The following KLHDC2 variants were observed in gnomAD, a reference collection of about 807,000 sequenced individuals.
KLHDC2 encodes kelch domain containing 2.
A neutral mutation model predicts 62.3 loss-of-function variants in KLHDC2; 38 were observed. The observed-to-expected ratio is 0.61, with a 90% CI of 0.47 to 0.80. KLHDC2 has a LOEUF of 0.80. KLHDC2 is among the 30% of genes least tolerant of loss of function. The probability of loss-of-function intolerance (pLI) is 0.00; values close to 1 mark genes in which losing one functional copy is unlikely to be tolerated. For missense variants in KLHDC2, 430 were observed against 495.3 expected, an observed-to-expected ratio of 0.87 and a Z score of 1.25; for synonymous variants, 159 against 161.0, an observed-to-expected ratio of 0.99 and a Z score of 0.09.
At chr14:49,773,906 T>C (rs1889717727) in intron 2 of KLHDC2, among the ~76,000 whole-genome samples, 1 of 152,202 alleles carries the variant, frequency 6.6e-6, no homozygotes, top group Non-Finnish European at 1.5e-5. Flanking sequence ...AAATGAGCCT[T>C]CTAAAACTTT....
At position 49,778,184 on chromosome 14, in the gene KLHDC2, A is replaced by AT; in HGVS notation, c.480dup (p.Gly161TrpfsTer8). 2 of 1,598,404 alleles carry AT rather than the reference A, an allele frequency of 1.3e-6. No homozygotes were observed. The highest frequency in any genetic ancestry group is 1.7e-6 in the Non-Finnish European group (2 of 1,171,190). ...TTGGTTTTTCATCCAACAGGTTAAT[A>AT]TTTTTTGGAGGGTATGGATATTTGC... On this transcript the variant is annotated frameshift_variant, in exon 5 of 13. Transcript: ENST00000298307. LOFTEE classifies it high-confidence loss of function.
At chr14:49,769,320 A>G (rs554475403) in intron 1 of KLHDC2, among the ~76,000 whole-genome samples, 1 of 152,314 alleles carries the variant, frequency 6.6e-6, no homozygotes, top group South Asian at 2.1e-4. Context: ...AGCAGTTTAA[A>G]GCCAGTTGCC....
intron 9 of KLHDC2, 108 bp from the exon 10 acceptor site, chr14:49,780,595 C>T (rs1204968492): frequency 2.5e-6 from 2 of 808,134 alleles, no homozygotes; most frequent in East Asian, 2.4e-5. Flanking sequence ...AGAAAATATA[C>T]TCTCTGTATC....
At chr14:49,769,799 C>T (rs1321434111) in intron 1 of KLHDC2, among the ~76,000 whole-genome samples, 2 of 151,558 alleles carry the variant, frequency 1.3e-5, no homozygotes, top group African/African-American at 4.9e-5. Context: ...AAAAATTAGC[C>T]TGGCGTGGTG....
Position 49,784,689 on chromosome 14 carries a change from G to A in KLHDC2, c.*1736G>A. The A allele has an allele frequency of 1.2e-6, 2 of 1,612,670 alleles. No individual in the cohort carries two copies. Among genetic ancestry groups the A allele is most frequent in the Non-Finnish European group, 1.7e-6 (2 of 1,179,038 alleles). ...GGTGCAGACACTTTCACTTTGCCAG[G>A]AATGTTTCTTGATAAATCTGTGTCC... On this transcript the variant is annotated 3_prime_UTR_variant, in exon 13 of 13. Transcript: ENST00000298307.
intron 2 of KLHDC2, among the ~76,000 whole-genome samples, chr14:49,773,909 A>G (rs1450324050): frequency 1.3e-5 from 2 of 152,174 alleles, no homozygotes; most frequent in Non-Finnish European, 2.9e-5. Context: ...TGAGCCTTCT[A>G]AAACTTTTAA....
At chr14:49,777,515 G>C (rs1444236046) in intron 3 of KLHDC2, among the ~76,000 whole-genome samples, 1 of 151,798 alleles carries the variant, frequency 6.6e-6, no homozygotes, top group African/African-American at 2.4e-5. Context: ...GATGACTTAA[G>C]CCCAGGAGTT....
intron 10 of KLHDC2, among the ~76,000 whole-genome samples, chr14:49,781,061 C>A (rs1889888196): frequency 6.6e-6 from 1 of 152,190 alleles, no homozygotes; most frequent in Non-Finnish European, 1.5e-5. Context: ...ATGAGTTGAA[C>A]TGCATCTAAG....
At chr14:49,780,351 A>T in intron 9 of KLHDC2, 29 bp downstream of exon 9, 2 of 1,277,722 alleles carry the variant, frequency 1.6e-6, no homozygotes, top group Non-Finnish European at 2.3e-6. Context: ...TGATAATGAA[A>T]TCATCATATA....
Position 49,783,055 on chromosome 14 carries a change from C to A in KLHDC2, c.*102C>A, listed in dbSNP as rs1296959947. 2 of 1,283,100 alleles carry A rather than the reference C, an allele frequency of 1.6e-6. No individual in the cohort carries two copies. The highest frequency in any genetic ancestry group is 1.5e-5 in the African/African-American group (1 of 66,492). The allele number at this position is 1,283,100 out of a possible 1,614,324, so 79.5% of individuals were successfully genotyped here. ...TAATTATATGCATTGTTGTAGTTTG[C>A]ACCTGTTGGTTTTAATGTGCATGTG... On this transcript the variant is annotated 3_prime_UTR_variant, in exon 13 of 13. Coordinates refer to ENST00000298307, the MANE Select transcript of KLHDC2 (RefSeq NM_014315.3).
Position 49,785,435 on chromosome 14 carries a change from C to A in KLHDC2, c.*2482C>A, listed in dbSNP as rs892071999. ...TTTTATCTTTTCCTGATATACATACCATCTAAGCTGGAACAGTGGTACTTA... is the reference window on the plus strand; with the variant it reads ...TTTTATCTTTTCCTGATATACATACAATCTAAGCTGGAACAGTGGTACTTA... On this transcript the variant is annotated 3_prime_UTR_variant, in exon 13 of 13. Transcript: ENST00000298307. The A allele has an allele frequency of 2.7e-5, 19 of 705,604 alleles. No individual in the cohort carries two copies. The highest frequency in any genetic ancestry group is 6.1e-4 in the Middle Eastern group (2 of 3,260). 43.7% of individuals were successfully genotyped at this position (705,604 alleles called of 1,614,324 possible).
At chr14:49,770,828 A>T (rs960003583) in intron 1 of KLHDC2, among the ~76,000 whole-genome samples, 8 of 152,244 alleles carry the variant, frequency 5.3e-5, no homozygotes, top group African/African-American at 1.2e-4. Flanking sequence ...AAAATTCTGC[A>T]TAAGGATTTA....
chr14:49,778,029 A>G (rs1889809296), intron 4 of KLHDC2, 75 bp downstream of exon 4: 2 of 1,006,376 alleles, frequency 2.0e-6, no homozygotes, highest in Admixed American at 4.1e-5. Context: ...TAGCCAGTAA[A>G]CATTTGCACA....
At position 49,768,438 on chromosome 14, in the gene KLHDC2, C is replaced by T. The variant is rs1237017532; in HGVS notation, c.-31C>T. The T allele has an allele frequency of 1.2e-6, 2 of 1,602,844 alleles. No homozygotes were observed. Among genetic ancestry groups the T allele is most frequent in the Middle Eastern group, 1.7e-4 (1 of 6,024 alleles). On this transcript the variant is annotated 5_prime_UTR_variant, in exon 1 of 13. Coordinates refer to ENST00000298307, the MANE Select transcript of KLHDC2 (RefSeq NM_014315.3). ...TTTTTTGGCCCCTCGCGGGTGTGGG[C>T]ATTGTTGGTTAGCAAAAGTGCAGCC...
intron 9 of KLHDC2, 32 bp downstream of exon 9, chr14:49,780,354 A>G (rs769633361): frequency 3.9e-6 from 5 of 1,283,006 alleles, no homozygotes; most frequent in Non-Finnish European, 1.1e-6. Flanking sequence ...TAATGAAATC[A>G]TCATATATCA....
At chr14:49,768,809 C>A in intron 1 of KLHDC2, 188 bp downstream of exon 1, 1 of 554,996 alleles carries the variant, frequency 1.8e-6, no homozygotes, top group Non-Finnish European at 3.1e-6. Context: ...TCGAGTACCC[C>A]AACCCGTCTC....
In KLHDC2 at chr14:49,784,829, A is replaced by T; in HGVS notation, c.*1876A>T. On this transcript the variant is annotated 3_prime_UTR_variant, in exon 13 of 13. Coordinates refer to ENST00000298307, the MANE Select transcript of KLHDC2 (RefSeq NM_014315.3). ...TAGCTGAGATGGTTTTACTGCTTCTAATAAGACAGCATTTTCTACTAAAAT... is the reference window on the plus strand; with the variant it reads ...TAGCTGAGATGGTTTTACTGCTTCTTATAAGACAGCATTTTCTACTAAAAT... 7.1e-7 allele frequency: 1 copy of T among 1,404,476 alleles called. No individual in the cohort carries two copies. The highest frequency in any genetic ancestry group is 1.0e-6 in the Non-Finnish European group (1 of 1,000,320). The allele number at this position is 1,404,476 out of a possible 1,614,324, so 87.0% of individuals were successfully genotyped here.
chr14:49,770,300 A>G (rs1378862719), intron 1 of KLHDC2, among the ~76,000 whole-genome samples: 8 of 152,086 alleles, frequency 5.3e-5, no homozygotes, highest in Non-Finnish European at 8.8e-5. Context: ...AAGTCCTTGG[A>G]GATTGTTTCA....
intron 6 of KLHDC2, 37 bp from the exon 7 acceptor site, chr14:49,779,558 T>C (rs767105878): frequency 1.3e-6 from 2 of 1,531,050 alleles, no homozygotes; most frequent in Non-Finnish European, 1.8e-6. Context: ...TCCCTGTTTA[T>C]AAAAAGTTCA....
Sources: gnomAD v4.1 joint callset for allele counts (sites outside exome capture counted in the v4.1 genomes callset) on GRCh38, gnomAD v4.1.1 for gene constraint, MANE v1.5 for transcripts, NCBI Gene and HGNC (gene_info 2026-07-23, HGNC 2026-07-21) for gene names.